The following NRG3 variants were observed in gnomAD, a reference collection of about 807,000 sequenced individuals.
NRG3 encodes pro-neuregulin-3, membrane-bound isoform.
A neutral mutation model predicts 66.9 loss-of-function variants in NRG3; 31 were observed. That is an observed-to-expected ratio of 0.46 (90% CI 0.35 to 0.63). The LOEUF is 0.63. NRG3 is among the 20% of genes least tolerant of loss of function. The pLI, the probability that NRG3 is intolerant of heterozygous loss-of-function variation, is 0.00. For synonymous variants in NRG3, 393 were observed against 359.4 expected (o/e 1.09, Z -1.06); for missense variants, 910 against 878.9 (o/e 1.04, Z -0.45).
At chr10:81,947,806 C>T (rs1360326120) in intron 1 of NRG3, among the ~76,000 whole-genome samples, 2 of 151,988 alleles carry the variant, frequency 1.3e-5, no homozygotes, top group Non-Finnish European at 1.5e-5. Flanking sequence ...ACTTCATTAT[C>T]GCAGGGATGG....
At chr10:82,236,710 C>CT (rs370359467) in intron 1 of NRG3, among the ~76,000 whole-genome samples, 51,912 of 93,598 alleles carry the variant, frequency 0.55, 16,053 homozygotes, top group South Asian at 0.68. Flanking sequence ...AAAACTAGAA[C>CT]TTTTTTTTTT....
intron 2 of NRG3, among the ~76,000 whole-genome samples, chr10:82,603,690 G>A (rs192681006): frequency 1.2e-4 from 19 of 152,218 alleles, no homozygotes; most frequent in African/African-American, 4.6e-4. Context: ...AGTCTCAGGT[G>A]AAGTTATTTT....
chr10:82,859,559 CT>C (rs1232699431), intron 3 of NRG3, among the ~76,000 whole-genome samples: 1 of 152,130 alleles, frequency 6.6e-6, no homozygotes, highest in African/African-American at 2.4e-5. Flanking sequence ...TCAGCAGCCC[CT>C]TTTTGTCAGC....
At chr10:82,630,376 A>G in intron 2 of NRG3, among the ~76,000 whole-genome samples, 1 of 144,420 alleles carries the variant, frequency 6.9e-6, no homozygotes, top group Admixed American at 6.9e-5. Flanking sequence ...TTTTTTTCAG[A>G]TAAAAATAGC....
chr10:82,058,193 A>G (rs561732830), intron 1 of NRG3, among the ~76,000 whole-genome samples: 2 of 152,038 alleles, frequency 1.3e-5, no homozygotes, highest in South Asian at 2.1e-4. Context: ...CCAGGGCTCT[A>G]TGTATATTAA....
chr10:81,884,876 C>T (rs980631648), intron 1 of NRG3, among the ~76,000 whole-genome samples: 2 of 152,144 alleles, frequency 1.3e-5, no homozygotes, highest in East Asian at 1.9e-4. Flanking sequence ...GGGTACTAAA[C>T]ATATCCATCA....
Position 82,410,675 on chromosome 10 carries a change from G to A in NRG3, c.953+51807G>A, listed in dbSNP as rs1211206871. 2.0e-5 allele frequency among the ~76,000 whole-genome samples: 3 copies of A among 151,962 alleles called. No homozygotes were observed. In the South Asian group the frequency reaches 6.2e-4, roughly 32 times the overall value. ...CTGAATATTGTAAAACCAGTGAATT[G>A]TATAATTTAAAAGGGCAAATGTTTG... On this transcript the variant is annotated intron_variant, in intron 2 of 8. Coordinates refer to ENST00000372141, the MANE Select transcript of NRG3 (RefSeq NM_001010848.4).
chr10:82,439,181 G>A (rs910208650), intron 2 of NRG3, among the ~76,000 whole-genome samples: 13 of 152,018 alleles, frequency 8.6e-5, no homozygotes, highest in African/African-American at 3.1e-4. Flanking sequence ...TTAGATATCT[G>A]TTCTACCATA....
intron 1 of NRG3, among the ~76,000 whole-genome samples, chr10:82,341,963 GT>G (rs1302236415): frequency 6.6e-6 from 1 of 151,996 alleles, no homozygotes; most frequent in Non-Finnish European, 1.5e-5. Flanking sequence ...GCACCATGGT[GT>G]TTTGGTTACT....
At chr10:81,938,645 G>GTGTT (rs764389780) in intron 1 of NRG3, among the ~76,000 whole-genome samples, 1 of 150,436 alleles carries the variant, frequency 6.6e-6, no homozygotes, top group African/African-American at 2.5e-5. Flanking sequence ...GTGTGTGCAT[G>GTGTT]CATGCATGCA....
chr10:82,268,072 A>G (rs930531587), intron 1 of NRG3, among the ~76,000 whole-genome samples: 2 of 152,216 alleles, frequency 1.3e-5, no homozygotes, highest in Non-Finnish European at 2.9e-5. Flanking sequence ...TCTTAGAACC[A>G]AATTTGAACA....
chr10:81,945,257 T>C (rs1848747522), intron 1 of NRG3, among the ~76,000 whole-genome samples: 1 of 152,072 alleles, frequency 6.6e-6, no homozygotes, highest in African/African-American at 2.4e-5. Context: ...TTCTTCCTTA[T>C]TCTCCTCACT....
At chr10:81,914,183 G>C (rs566786616) in intron 1 of NRG3, among the ~76,000 whole-genome samples, 2 of 152,086 alleles carry the variant, frequency 1.3e-5, no homozygotes, top group Non-Finnish European at 2.9e-5. Flanking sequence ...TTTTTACAAT[G>C]AACACGTATT....
chr10:81,898,528 A>G (rs1843732224), intron 1 of NRG3, among the ~76,000 whole-genome samples: 1 of 152,158 alleles, frequency 6.6e-6, no homozygotes, highest in South Asian at 2.1e-4. Flanking sequence ...TTTACTCTCT[A>G]TGACAGTTTG....
At chr10:82,831,369 C>T (rs1204760292) in intron 3 of NRG3, among the ~76,000 whole-genome samples, 1 of 152,140 alleles carries the variant, frequency 6.6e-6, no homozygotes. Context: ...AAGAATCTGC[C>T]TTAAACTGAT....
chr10:82,678,586 C>T (rs2134100908), intron 2 of NRG3, among the ~76,000 whole-genome samples: 1 of 152,284 alleles, frequency 6.6e-6, no homozygotes, highest in South Asian at 2.1e-4. Context: ...AGAGGCCTGA[C>T]ACCTGGCACT....
At chr10:82,564,354 T>C (rs2045253651) in intron 2 of NRG3, among the ~76,000 whole-genome samples, 1 of 152,206 alleles carries the variant, frequency 6.6e-6, no homozygotes, top group South Asian at 2.1e-4. Flanking sequence ...ACTTCCATTT[T>C]ATCACCTATT....
At chr10:82,788,432 T>C (rs1439488241) in intron 3 of NRG3, among the ~76,000 whole-genome samples, 1 of 152,048 alleles carries the variant, frequency 6.6e-6, no homozygotes, top group African/African-American at 2.4e-5. Flanking sequence ...TACCTGGGCA[T>C]GGTGGTGCAT....
chr10:82,831,215 T>C (rs1462304385), intron 3 of NRG3, among the ~76,000 whole-genome samples: 4 of 152,158 alleles, frequency 2.6e-5, no homozygotes, highest in African/African-American at 9.6e-5. Context: ...ATGTTTTAAC[T>C]GGCCTACACA....
Sources: allele counts gnomAD v4.1 joint callset (sites outside exome capture counted in the v4.1 genomes callset), GRCh38; gene constraint gnomAD v4.1.1; transcripts MANE v1.5; gene names NCBI Gene and HGNC (gene_info 2026-07-23, HGNC 2026-07-21).